The following SLC39A11 variants were observed in gnomAD, a reference collection of about 807,000 sequenced individuals.
SLC39A11 encodes the protein solute carrier family 39 member 11.
SLC39A11 carries 33 observed loss-of-function variants against 36.1 expected under a neutral mutation model. That is an observed-to-expected ratio of 0.91 (90% CI 0.69 to 1.22). SLC39A11 has a LOEUF of 1.22. Among genes scored for constraint, SLC39A11 ranks in the 50% most tolerant of loss-of-function variants. The pLI, the probability that SLC39A11 is intolerant of heterozygous loss-of-function variation, is 0.00. For missense variants in SLC39A11, 432 were observed against 430.3 expected (o/e 1.00, Z -0.03); for synonymous variants, 166 against 170.3 (o/e 0.97, Z 0.20).
At chr17:72,822,327 G>T (rs2714002) in intron 6 of SLC39A11, among the ~76,000 whole-genome samples, 113,829 of 145,272 alleles carry the variant, frequency 0.78, 45,387 homozygotes, top group Non-Finnish European at 0.82. Context: ...TATATATATA[G>T]AGAGAGAGAG....
intron 6 of SLC39A11, among the ~76,000 whole-genome samples, chr17:72,789,619 C>A (rs557099593): frequency 6.6e-6 from 1 of 152,318 alleles, no homozygotes; most frequent in Non-Finnish European, 1.5e-5. Flanking sequence ...CTGTGCAGGG[C>A]AGGCTGATAT....
chr17:73,002,162 T>A (rs1479708366), intron 4 of SLC39A11, among the ~76,000 whole-genome samples: 3 of 152,108 alleles, frequency 2.0e-5, no homozygotes, highest in Admixed American at 2.0e-4. Flanking sequence ...TGCTGTCAAT[T>A]AAACAATGAC....
intron 5 of SLC39A11, among the ~76,000 whole-genome samples, chr17:72,884,519 C>G (rs190951090): frequency 7.2e-5 from 11 of 152,294 alleles, no homozygotes; most frequent in Non-Finnish European, 1.5e-4. Context: ...TACAAAGAAA[C>G]AGTCACCCCA....
intron 5 of SLC39A11, among the ~76,000 whole-genome samples, chr17:72,922,973 A>AAAAAC (rs1244218199): frequency 1.4e-5 from 2 of 147,866 alleles, no homozygotes; most frequent in African/African-American, 5.0e-5. Flanking sequence ...AAAAAAAAAA[A>AAAAAC]AAAAAAAAAA....
At chr17:72,812,010 T>C (rs1276675149) in intron 6 of SLC39A11, among the ~76,000 whole-genome samples, 2 of 152,244 alleles carry the variant, frequency 1.3e-5, no homozygotes, top group African/African-American at 4.8e-5. Flanking sequence ...CAAAGCTGTG[T>C]AACAATACAA....
intron 4 of SLC39A11, among the ~76,000 whole-genome samples, chr17:72,952,117 C>T (rs2147799937): frequency 6.6e-6 from 1 of 152,266 alleles, no homozygotes. Flanking sequence ...TTCAGAACAA[C>T]CAGGGTCAGC....
intron 3 of SLC39A11, among the ~76,000 whole-genome samples, chr17:73,067,262 A>C (rs1223237817): frequency 3.3e-5 from 5 of 152,254 alleles, no homozygotes; most frequent in African/African-American, 1.2e-4. Flanking sequence ...ACCTTAGGTC[A>C]TATGAATAAG....
In SLC39A11 at chr17:72,914,867, CATAAATAA is replaced by C. The variant is rs374560040; in HGVS notation, c.430+32877_430+32884del. ...TGGGCGACAGAGCCAGACTCTGTCT[CATAAATAA>C]ATAAATAAATAAAATTGAATATCTG... is the stretch of plus-strand genomic sequence containing the variant. On this transcript the variant is annotated intron_variant, in intron 5 of 9. Coordinates refer to ENST00000255559, the MANE Select transcript of SLC39A11 (RefSeq NM_139177.4). 4.0e-5 allele frequency among the ~76,000 whole-genome samples: 6 copies of C among 149,330 alleles called. No individual in the cohort carries two copies. The East Asian group carries it at 1.2e-3, about 29-fold the overall frequency.
intron 5 of SLC39A11, among the ~76,000 whole-genome samples, chr17:72,853,155 T>C (rs1332835808): frequency 6.6e-6 from 1 of 151,308 alleles, no homozygotes; most frequent in Non-Finnish European, 1.5e-5. Flanking sequence ...GCTGGAACTA[T>C]AGGTGCACGC....
rs563293617 is a variant in SLC39A11, at chr17:72,739,167, G to A, written c.602-2448C>T. ...TTTTGAGACACAGTCTCACTCTGTC[G>A]CCCAGGCTGGAGTGCAGTGGTGCGA... is the stretch of plus-strand genomic sequence containing the variant. On this transcript the variant is annotated intron_variant, in intron 6 of 9. Coordinates refer to ENST00000255559, the MANE Select transcript of SLC39A11 (RefSeq NM_139177.4). Among the ~76,000 whole-genome samples, 25 of 147,716 alleles carry A rather than the reference G, an allele frequency of 1.7e-4. No homozygotes were observed. The South Asian group carries it at 5.1e-3, about 30-fold the overall frequency.
chr17:73,075,712 G>T (rs1474596837), intron 3 of SLC39A11, among the ~76,000 whole-genome samples: 3 of 152,130 alleles, frequency 2.0e-5, no homozygotes, highest in African/African-American at 7.2e-5. Context: ...CATTAGCTAG[G>T]CGTGGTGGTG....
chr17:72,839,983 A>AG (rs2078733136), intron 6 of SLC39A11, among the ~76,000 whole-genome samples: 1 of 152,254 alleles, frequency 6.6e-6, no homozygotes, highest in Non-Finnish European at 1.5e-5. Context: ...TCTGATCGCA[A>AG]GTCATAAATA....
intron 7 of SLC39A11, among the ~76,000 whole-genome samples, chr17:72,665,855 A>G (rs998584900): frequency 2.6e-5 from 4 of 151,554 alleles, no homozygotes; most frequent in African/African-American, 9.7e-5. Context: ...CCTACTATAT[A>G]TAAGGTATTA....
intron 3 of SLC39A11, among the ~76,000 whole-genome samples, chr17:73,080,955 A>AAAAT (rs137991770): frequency 0.25 from 37,342 of 146,768 alleles, 4,977 homozygotes; most frequent in Middle Eastern, 0.41. Context: ...AAAAAACAAT[A>AAAAT]AAATAAATAA....
At chr17:72,707,278 C>A (rs1250293942) in intron 7 of SLC39A11, among the ~76,000 whole-genome samples, 1 of 151,156 alleles carries the variant, frequency 6.6e-6, no homozygotes, top group African/African-American at 2.4e-5. Context: ...GGGGTCCACA[C>A]CTGTAATCCC....
At chr17:72,809,199 T>TTCCCTCTC (rs2077356435) in intron 6 of SLC39A11, among the ~76,000 whole-genome samples, 1 of 102,202 alleles carries the variant, frequency 9.8e-6, no homozygotes, top group Admixed American at 9.7e-5. Flanking sequence ...TTTCTTTTCT[T>TTCCCTCTC]TCTCTCTCTC....
intron 3 of SLC39A11, among the ~76,000 whole-genome samples, chr17:73,061,281 A>G (rs551716512): frequency 1.3e-5 from 2 of 152,206 alleles, no homozygotes; most frequent in East Asian, 3.9e-4. Flanking sequence ...AACCGTTTCA[A>G]CCCAGAAGGC....
chr17:72,846,018 C>CTTTTTT lies in SLC39A11; in HGVS notation c.601+3610_601+3615dup, dbSNP rs569100122. ...CCAATGAATCTCTCTCTCTCTCTCT[C>CTTTTTT]TTTTTTTTTTTTTTTTTTTTTTTTT... On this transcript the variant is annotated intron_variant, in intron 6 of 9. Coordinates refer to ENST00000255559, the MANE Select transcript of SLC39A11 (RefSeq NM_139177.4). Among the ~76,000 whole-genome samples the CTTTTTT allele has an allele frequency of 2.9e-3, 166 of 57,956 alleles. 34 individuals carry two copies. The highest frequency in any genetic ancestry group is 5.7e-3 in the Admixed American group (20 of 3,486). 38.0% of individuals were successfully genotyped at this position (57,956 alleles called of 152,430 possible).
intron 5 of SLC39A11, among the ~76,000 whole-genome samples, chr17:72,891,657 C>T (rs1419368117): frequency 6.6e-6 from 1 of 151,982 alleles, no homozygotes; most frequent in East Asian, 1.9e-4. Flanking sequence ...GCTTTTACTT[C>T]CCTCTTTGGT....
Sources: allele counts gnomAD v4.1 joint callset (sites outside exome capture counted in the v4.1 genomes callset), GRCh38; gene constraint gnomAD v4.1.1; transcripts MANE v1.5; gene names NCBI Gene and HGNC (gene_info 2026-07-23, HGNC 2026-07-21).